The following SHANK2 variants were observed in gnomAD, a reference collection of about 807,000 sequenced individuals.
The protein encoded by SHANK2 is SH3 and multiple ankyrin repeat domains 2, also known as SH3 and multiple ankyrin repeat domains protein 2.
A neutral mutation model predicts 133.7 loss-of-function variants in SHANK2; 43 were observed. That is an observed-to-expected ratio of 0.32 (90% CI 0.25 to 0.41). The LOEUF (loss-of-function observed/expected upper bound fraction) is 0.41, where lower values mean the gene tolerates loss of function less well. SHANK2 is among the 10% of genes least tolerant of loss of function. SHANK2 has a pLI of 1.00. For synonymous variants in SHANK2, 1,017 were observed against 952.8 expected (o/e 1.07, Z -1.24); for missense variants, 1,994 against 2,235.8 (o/e 0.89, Z 2.18).
chr11:70,860,182 G>A (rs1555067516), intron 11 of SHANK2, among the ~76,000 whole-genome samples: 1 of 152,018 alleles, frequency 6.6e-6, no homozygotes, highest in East Asian at 1.9e-4. Context: ...ACCTGATCCC[G>A]CCACCTCCAT....
intron 7 of SHANK2, among the ~76,000 whole-genome samples, chr11:71,092,903 G>A (rs1347166631): frequency 3.9e-5 from 6 of 152,120 alleles, no homozygotes; most frequent in East Asian, 1.9e-4. Flanking sequence ...AATAGCCAGC[G>A]TGGTGGCAGG....
At chr11:71,166,280 C>T (rs1303430581) in intron 2 of SHANK2, among the ~76,000 whole-genome samples, 7 of 152,126 alleles carry the variant, frequency 4.6e-5, no homozygotes, top group African/African-American at 9.7e-5. Context: ...ACGCCAGAGA[C>T]GGGCAGACAG....
At position 70,472,729 on chromosome 11, in the gene SHANK2, C is replaced by T. The variant is rs1166226185; in HGVS notation, c.*140G>A. 5.8e-6 allele frequency: 5 copies of T among 856,322 alleles called. No homozygotes were observed. Among genetic ancestry groups the T allele is most frequent in the Non-Finnish European group, 9.8e-6 (5 of 510,362 alleles). The allele number at this position is 856,322 out of a possible 1,614,324, so 53.0% of individuals were successfully genotyped here. On this transcript the variant is annotated 3_prime_UTR_variant, in exon 26 of 26. Transcript: ENST00000601538. The surrounding 1 kb of genome is among the most constrained non-coding windows in gnomAD (Gnocchi z 4.4). ...ACCCAGCCATGTTGTGGACACAACTCAGTATTTCTTTGGGTACCAGGAGAC... is the reference window on the plus strand; with the variant it reads ...ACCCAGCCATGTTGTGGACACAACTTAGTATTTCTTTGGGTACCAGGAGAC...
At chr11:70,682,801 G>A (rs186874115) in intron 15 of SHANK2, among the ~76,000 whole-genome samples, 39 of 152,268 alleles carry the variant, frequency 2.6e-4, no homozygotes, top group African/African-American at 7.7e-4. Context: ...AAGAGCAGCC[G>A]TGGATGGAAG....
intron 17 of SHANK2, among the ~76,000 whole-genome samples, chr11:70,619,235 C>T (rs947599359): frequency 3.9e-5 from 6 of 152,218 alleles, no homozygotes; most frequent in African/African-American, 9.7e-5. Flanking sequence ...AATGTTCTTA[C>T]GTGCCAGTTC....
chr11:70,603,330 C>CT (rs2060526001), intron 17 of SHANK2: 1 of 152,448 alleles, frequency 6.6e-6, no homozygotes, highest in Non-Finnish European at 1.5e-5. Flanking sequence ...AGACCAACAC[C>CT]AAGCCACAGC....
intron 2 of SHANK2, among the ~76,000 whole-genome samples, chr11:71,222,222 C>T (rs1439901172): frequency 1.3e-5 from 2 of 151,192 alleles, no homozygotes; most frequent in African/African-American, 2.4e-5. Flanking sequence ...AGGTCACCAA[C>T]TGTGTGGGCT....
At chr11:71,182,958 C>G (rs1458387008) in intron 2 of SHANK2, among the ~76,000 whole-genome samples, 1 of 152,172 alleles carries the variant, frequency 6.6e-6, no homozygotes, top group African/African-American at 2.4e-5. Context: ...GCACGAAAAC[C>G]CTGAGGCTCT....
intron 17 of SHANK2, among the ~76,000 whole-genome samples, chr11:70,521,868 G>T (rs547017185): frequency 6.6e-6 from 1 of 152,226 alleles, no homozygotes; most frequent in Non-Finnish European, 1.5e-5. Flanking sequence ...ACATGTCCTC[G>T]CTGCAAGGCT....
At chr11:70,879,195 T>G (rs1323185533) in intron 11 of SHANK2, among the ~76,000 whole-genome samples, 2 of 152,232 alleles carry the variant, frequency 1.3e-5, no homozygotes, top group Non-Finnish European at 2.9e-5. Flanking sequence ...GTGTCCCTTC[T>G]GGCTTGGCTA....
intron 8 of SHANK2, among the ~76,000 whole-genome samples, chr11:71,084,586 T>C (rs1951352537): frequency 6.6e-6 from 1 of 152,112 alleles, no homozygotes; most frequent in Admixed American, 6.5e-5. Flanking sequence ...AGACTTTAAA[T>C]GCAAAGCCCA....
chr11:70,606,507 T>C (rs2060579019), intron 17 of SHANK2, among the ~76,000 whole-genome samples: 2 of 33,200 alleles, frequency 6.0e-5, no homozygotes, highest in African/African-American at 1.4e-4. Context: ...AAACCTTGAC[T>C]CAAAAAAAAA....
intron 14 of SHANK2, among the ~76,000 whole-genome samples, chr11:70,729,793 A>G (rs1946247649): frequency 6.6e-6 from 1 of 150,644 alleles, no homozygotes; most frequent in South Asian, 2.1e-4. Context: ...TCAGCCTCCC[A>G]AAGTGCTGGG....
chr11:70,495,011 T>A (rs184639466), intron 21 of SHANK2, among the ~76,000 whole-genome samples: 125 of 152,316 alleles, frequency 8.2e-4, no homozygotes, highest in African/African-American at 2.8e-3. Context: ...CATCTGCTTC[T>A]CAGGGAACTG....
intron 2 of SHANK2, among the ~76,000 whole-genome samples, chr11:71,171,754 C>T (rs1163969852): frequency 6.6e-6 from 1 of 152,208 alleles, no homozygotes; most frequent in African/African-American, 2.4e-5. Context: ...CCAGGTGTTC[C>T]TTAGTCCAGT....
intron 2 of SHANK2, among the ~76,000 whole-genome samples, chr11:71,206,230 C>T (rs1270027601): frequency 6.6e-6 from 1 of 152,222 alleles, no homozygotes; most frequent in East Asian, 1.9e-4. Flanking sequence ...CAGGCACACA[C>T]ACAGAGCGAC....
rs377472065 is a variant in SHANK2 at position 70,486,258 on chromosome 11, C to G, written c.4035G>C (p.Pro1345=). 2 of 1,614,002 alleles carry G rather than the reference C, an allele frequency of 1.2e-6. No homozygotes were observed. The highest frequency in any genetic ancestry group is 1.7e-6 in the Non-Finnish European group (2 of 1,180,026). The part of the protein sequence containing the change: ...AEVEMKPDSS[P]SEVPEGVSET... ...CGGAAACACCTTCTGGCACCTCGGA[C>G]GGCGAGCTGTCTGGCTTCATCTCCA... Residue 1345 remains proline, a synonymous_variant, in exon 25 of 26, where the codon CCG becomes CCC. Coordinates refer to ENST00000601538, the MANE Select transcript of SHANK2 (RefSeq NM_012309.5). This position sits in a 1 kb window ranked among gnomAD's most constrained non-coding sequence, Gnocchi z 8.0.
At chr11:71,203,346 G>T (rs189958212) in intron 2 of SHANK2, among the ~76,000 whole-genome samples, 6 of 152,308 alleles carry the variant, frequency 3.9e-5, no homozygotes, top group Admixed American at 3.3e-4. Flanking sequence ...GATATAAGAA[G>T]TATCTAAATC....
At chr11:70,805,167 G>A (rs1020440731) in intron 13 of SHANK2, among the ~76,000 whole-genome samples, 6 of 152,106 alleles carry the variant, frequency 3.9e-5, no homozygotes, top group Non-Finnish European at 7.4e-5. Context: ...ACTGCCAGCC[G>A]CACCCCAGCC....
Sources: allele counts gnomAD v4.1 joint callset (sites outside exome capture counted in the v4.1 genomes callset), GRCh38; gene constraint gnomAD v4.1.1; non-coding constraint Gnocchi (gnomAD v3.1); transcripts MANE v1.5; gene names NCBI Gene and HGNC (gene_info 2026-07-23, HGNC 2026-07-21).